The following TAOK3 variants were observed in gnomAD, a reference collection of about 807,000 sequenced individuals.
TAOK3 encodes serine/threonine-protein kinase TAO3.
Under a neutral mutation model 120.4 loss-of-function variants are expected in TAOK3, and 40 were observed. The ratio of observed to expected loss-of-function variants is 0.33; its 90% CI spans 0.26 to 0.43. The LOEUF (loss-of-function observed/expected upper bound fraction) is 0.43. Ranked by LOEUF, TAOK3 falls within the 20% of genes least tolerant of loss-of-function variation. TAOK3 has a pLI of 1.00. For missense variants in TAOK3, 821 were observed against 1,112.1 expected (o/e 0.74, Z 3.72); for synonymous variants, 355 against 387.5 (o/e 0.92, Z 0.99).
chr12:118,320,266 T>C (rs1199663233), intron 1 of TAOK3, among the ~76,000 whole-genome samples: 2 of 152,076 alleles, frequency 1.3e-5, no homozygotes, highest in Non-Finnish European at 2.9e-5. Flanking sequence ...AAATAGATAG[T>C]GATGTTCCCA....
At chr12:118,261,782 A>G (rs1410664811) in intron 2 of TAOK3, 1 of 152,242 alleles carries the variant, frequency 6.6e-6, no homozygotes, top group African/African-American at 2.4e-5. Context: ...CAAAAAATTC[A>G]GTGGGATCTA....
chr12:118,244,899 G>C lies in TAOK3; in HGVS notation c.187C>G (p.His63Asp). Residue 63 changes from histidine to aspartate, a missense_variant, in exon 4 of 21, where the codon CAT (histidine) becomes GAT (aspartate). Physicochemically the swap from His to Asp is moderately conservative, Grantham distance 81. This residue lies in a region of TAOK3 where 467 missense variants were observed against 540.0 expected (regional missense o/e 0.86). Transcript: ENST00000392533. ...KKMSYSGKQTHEKWQDILKEV... is the reference protein window; with the variant it reads ...KKMSYSGKQTDEKWQDILKEV... ...TACAACTGTCTCTATCTCACCTCAT[G>C]GGTCTGCTTCCCACTATAGGACATC... The C allele has an allele frequency of 6.2e-7, 1 of 1,603,458 alleles. No homozygotes were observed. Among genetic ancestry groups the C allele is most frequent in the Non-Finnish European group, 8.5e-7 (1 of 1,171,146 alleles).
At chr12:118,151,256 A>T in intron 20 of TAOK3, 98 bp from the exon 21 acceptor site, 1 of 1,213,018 alleles carries the variant, frequency 8.2e-7, no homozygotes, top group Admixed American at 2.1e-5. Context: ...ACATGCACAC[A>T]CACATAGGCA....
At chr12:118,266,625 T>C (rs538499326) in intron 2 of TAOK3, 30 bp downstream of exon 2, 1 of 398,040 alleles carries the variant, frequency 2.5e-6, no homozygotes, top group Non-Finnish European at 4.4e-6. Context: ...TTCCATTTCT[T>C]AGGAGAAAGC....
chr12:118,369,668 A>G (rs2045843167), intron 1 of TAOK3, among the ~76,000 whole-genome samples: 1 of 152,328 alleles, frequency 6.6e-6, no homozygotes, highest in African/African-American at 2.4e-5. Flanking sequence ...CAAAATGAAT[A>G]TATGCCTGTT....
chr12:118,240,360 G>A (rs2040196904), intron 5 of TAOK3, among the ~76,000 whole-genome samples: 1 of 151,744 alleles, frequency 6.6e-6, no homozygotes, highest in Non-Finnish European at 1.5e-5. Context: ...TGTATTTTTA[G>A]TAGAGACGGG....
chr12:118,212,991 C>T lies in TAOK3; in HGVS notation c.742G>A (p.Asp248Asn). ...TAATCAACAAATCTCCTAAAGGAGT[C>T]TGTCCTGTGTGTGCAAATACACAAA... ...SPTLQSNEWT[D>N]SFRRFVDYCL... Residue 248 changes from aspartate to asparagine, a missense_variant, in exon 11 of 21, where the codon GAC (aspartate) becomes AAC (asparagine). Around this residue, in one of 2 missense-constraint regions of TAOK3, gnomAD observed 467 missense variants for 540.0 expected, o/e 0.86. Transcript: ENST00000392533. 6.2e-7 allele frequency: 1 copy of T among 1,608,916 alleles called. No individual in the cohort carries two copies.
intron 1 of TAOK3, among the ~76,000 whole-genome samples, chr12:118,301,006 C>G (rs1450727533): frequency 6.6e-6 from 1 of 152,136 alleles, no homozygotes; most frequent in East Asian, 1.9e-4. Context: ...GAACTCCTGA[C>G]CTCAAATGAT....
chr12:118,225,064 A>G (rs1376395842), intron 9 of TAOK3, among the ~76,000 whole-genome samples: 1 of 151,928 alleles, frequency 6.6e-6, no homozygotes, highest in Non-Finnish European at 1.5e-5. Context: ...CCTGGGTAAC[A>G]TGGTGAAATT....
intron 1 of TAOK3, among the ~76,000 whole-genome samples, chr12:118,357,432 C>T (rs1180130926): frequency 2.0e-5 from 3 of 152,140 alleles, no homozygotes; most frequent in Non-Finnish European, 2.9e-5. Context: ...ACAAAAGGGT[C>T]AGTGTGATCT....
chr12:118,295,728 T>G (rs925334882), intron 1 of TAOK3, among the ~76,000 whole-genome samples: 1 of 152,214 alleles, frequency 6.6e-6, no homozygotes, highest in African/African-American at 2.4e-5. Context: ...TGAATAATTC[T>G]ATCCAGTCTC....
chr12:118,318,633 A>G, intron 1 of TAOK3, among the ~76,000 whole-genome samples: 1 of 152,226 alleles, frequency 6.6e-6, no homozygotes. Flanking sequence ...TGTTAGTGGG[A>G]ATGTAAATTA....
intron 17 of TAOK3, among the ~76,000 whole-genome samples, chr12:118,168,267 G>A (rs1391526404): frequency 6.6e-6 from 1 of 152,168 alleles, no homozygotes; most frequent in Non-Finnish European, 1.5e-5. Flanking sequence ...CTCACTGCAT[G>A]GTGATGATAG....
At position 118,214,093 on chromosome 12, in the gene TAOK3, G is replaced by A. The variant is rs2038762254; in HGVS notation, c.661C>T (p.Leu221Phe). 6.2e-7 allele frequency: 1 copy of A among 1,609,390 alleles called. No individual in the cohort carries two copies. The highest frequency in any genetic ancestry group is 8.5e-7 in the Non-Finnish European group (1 of 1,178,782). Residue 221 changes from leucine to phenylalanine, a missense_variant, in exon 10 of 21, where the codon CTT becomes TTT. By Grantham distance (22) the Leu-to-Phe change is conservative. Coordinates refer to ENST00000392533, the MANE Select transcript of TAOK3 (RefSeq NM_016281.4). The part of the protein sequence containing the change: ...CIELAERKPP[L>F]FNMNAMSALY... Reference sequence around the variant, plus strand: ...GCACTCATTGCATTCATGTTGAAAAGGGGCGGCTTCCGTTCCGCTGGAAGA... The same window carrying A: ...GCACTCATTGCATTCATGTTGAAAAAGGGCGGCTTCCGTTCCGCTGGAAGA...
At chr12:118,238,725 C>T (rs111335099) in intron 6 of TAOK3, among the ~76,000 whole-genome samples, 1,575 of 151,238 alleles carry the variant, frequency 0.01, 30 homozygotes, top group African/African-American at 0.029. Context: ...GCCTTGAATT[C>T]CTGGGCTCAA....
intron 1 of TAOK3, among the ~76,000 whole-genome samples, chr12:118,303,222 C>A (rs1051804329): frequency 6.6e-6 from 1 of 152,092 alleles, no homozygotes; most frequent in South Asian, 2.1e-4. Context: ...GAAATCAGCC[C>A]CCATTCCTTA....
At chr12:118,162,163 G>A (rs1273737813) in intron 17 of TAOK3, 136 bp from the exon 18 acceptor site, 6 of 1,133,624 alleles carry the variant, frequency 5.3e-6, no homozygotes, top group African/African-American at 1.6e-5. Context: ...TTTGGCAGCA[G>A]GACTTAATGA....
chr12:118,307,893 G>T (rs2043108863), intron 1 of TAOK3, among the ~76,000 whole-genome samples: 1 of 151,714 alleles, frequency 6.6e-6, no homozygotes, highest in South Asian at 2.1e-4. Context: ...AAAAGGGTTT[G>T]ACACTACATG....
chr12:118,366,187 C>T (rs2045736545), intron 1 of TAOK3, among the ~76,000 whole-genome samples: 1 of 152,094 alleles, frequency 6.6e-6, no homozygotes, highest in Non-Finnish European at 1.5e-5. Context: ...TCACTTGAAC[C>T]CAGGAGGTGG....
Sources: allele counts gnomAD v4.1 joint callset (sites outside exome capture counted in the v4.1 genomes callset), GRCh38; gene constraint gnomAD v4.1.1; regional missense constraint gnomAD v4.1.1; transcripts MANE v1.5; gene names NCBI Gene and HGNC (gene_info 2026-07-23, HGNC 2026-07-21).